CLEC4F: variants seen among roughly 807,000 people sequenced by gnomAD.
CLEC4F encodes C-type lectin domain family 4 member F.
A neutral mutation model predicts 53.4 loss-of-function variants in CLEC4F; 45 were observed. That is an observed-to-expected ratio of 0.84 (90% CI 0.66 to 1.08). CLEC4F has a LOEUF of 1.08. Among genes scored for constraint, CLEC4F ranks in the 50% least tolerant of loss-of-function variants. The probability of loss-of-function intolerance (pLI) is 0.00; values close to 1 mark genes in which losing one functional copy is unlikely to be tolerated. For synonymous variants in CLEC4F, 245 were observed against 257.5 expected (o/e 0.95, Z 0.46); for missense variants, 753 against 698.2 (o/e 1.08, Z -0.88).
At chr2:70,819,667 G>A in intron 2 of CLEC4F, 108 bp downstream of exon 2, 1 of 881,884 alleles carries the variant, frequency 1.1e-6, no homozygotes, top group Non-Finnish European at 1.8e-6. Context: ...GAGGTGGAAT[G>A]ATCTTTCTGG....
upstream of CLEC4F, among the ~76,000 whole-genome samples, chr2:70,823,806 A>T (rs143317220): frequency 8.9e-3 from 1,360 of 152,270 alleles, 8 homozygotes; most frequent in Middle Eastern, 0.041. Context: ...AGGCAGGTGG[A>T]TCACTTGAGG....
In CLEC4F at chr2:70,820,453, G is replaced by A; in HGVS notation, c.61+10C>T. ...TCACTGGGCAAGAGCTGGGGCCCCA[G>A]TTTTCTCACCTTGGGGGTGCAGGGA... On this transcript the variant is annotated intron_variant, in intron 1 of 6. Coordinates refer to ENST00000272367, the MANE Select transcript of CLEC4F (RefSeq NM_173535.3). The A allele has an allele frequency of 6.3e-7, 1 of 1,578,502 alleles. No homozygotes were observed. The highest frequency in any genetic ancestry group is 8.6e-7 in the Non-Finnish European group (1 of 1,160,018).
chr2:70,815,098 C>T (rs782109162), intron 4 of CLEC4F, among the ~76,000 whole-genome samples: 5 of 152,150 alleles, frequency 3.3e-5, no homozygotes, highest in Admixed American at 2.0e-4. Flanking sequence ...TTTGTTAGCC[C>T]CCATTTCTTC....
At chr2:70,810,737 T>C (rs1553394033) in intron 5 of CLEC4F, 4 of 434,402 alleles carry the variant, frequency 9.2e-6, no homozygotes, top group Admixed American at 3.0e-5. Flanking sequence ...TCTAAAATGA[T>C]ATATACAGTA....
chr2:70,813,536 TTTTTTTC>T (rs1553394866), intron 4 of CLEC4F, among the ~76,000 whole-genome samples: 27 of 146,948 alleles, frequency 1.8e-4, no homozygotes, highest in African/African-American at 5.1e-4. Flanking sequence ...TCTTTCTTTC[TTTTTTTC>T]TTTCTTTCTT....
In CLEC4F at chr2:70,817,011, A is replaced by G. The variant is rs377254965; in HGVS notation, c.370T>C (p.Leu124=). ...TTGACATTGTCCACTCTGCACTTCA[A>G]CATCTGGATTTCTACTACCCAGGCA... is the stretch of plus-strand genomic sequence containing the variant. ...SSAWVVEIQM[L]KCRVDNVNSQ... Residue 124 remains leucine, a synonymous_variant, in exon 4 of 7, where the codon TTG becomes CTG. Transcript: ENST00000272367. The G allele has an allele frequency of 6.2e-6, 10 of 1,614,076 alleles. No homozygotes were observed. In the East Asian group the frequency reaches 1.1e-4, roughly 18 times the overall value.
Position 70,812,545 on chromosome 2 carries a change from A to G in CLEC4F, c.1441T>C (p.Tyr481His), listed in dbSNP as rs1676625936. Residue 481 changes from tyrosine to histidine, a missense_variant, in exon 5 of 7, where the codon TAT (tyrosine) becomes CAT (histidine). Transcript: ENST00000272367. ...GACTTCTTGACACTAGAAAAATAAT[A>G]TAAGCTTCCACCATTGAACTTCCAG... ...QGWKFNGGSL[Y>H]YFSSVKKSWH... is the part of the protein sequence containing the mutation. 6.2e-7 allele frequency: 1 copy of G among 1,614,210 alleles called. No homozygotes were observed. The highest frequency in any genetic ancestry group is 8.5e-7 in the Non-Finnish European group (1 of 1,180,026).
chr2:70,819,816 G>A lies in CLEC4F; in HGVS notation c.137C>T (p.Ala46Val), dbSNP rs781912439. 6.8e-6 allele frequency: 11 copies of A among 1,608,290 alleles called. No individual in the cohort carries two copies. The Admixed American group carries it at 1.9e-4, about 27-fold the overall frequency. ...RLVQATPAFM[A>V]VTLVFSLVTL... is the part of the protein sequence containing the mutation. ...CACAAGAGAGAAGACCAAGGTCACA[G>A]CCATAAATGCCGGGGTAGCCTGAAC... is the stretch of plus-strand genomic sequence containing the variant. The change falls in exon 2 of 7, where the codon GCT becomes GTT. Residue 46 changes from alanine to valine, a missense_variant. Physicochemically the swap from Ala to Val is moderately conservative, Grantham distance 64 (BLOSUM62 0). Transcript: ENST00000272367.
rs782514953 is a variant in CLEC4F, at chr2:70,816,162, T to A, written c.1219A>T (p.Thr407Ser). The change falls in exon 4 of 7, where the codon ACC becomes TCC. Residue 407 changes from threonine to serine, a missense_variant. Coordinates refer to ENST00000272367, the MANE Select transcript of CLEC4F (RefSeq NM_173535.3). ...MKNASALTSQTQMLDSNLQKA... is the reference protein window; with the variant it reads ...MKNASALTSQSQMLDSNLQKA... ...TGCAGATTGCTGTCTAACATCTGGG[T>A]CTGGGAAGTTAAGGCTGAAGCATTC... The A allele has an allele frequency of 8.1e-6, 13 of 1,614,214 alleles. No individual in the cohort carries two copies. The highest frequency in any genetic ancestry group is 1.1e-5 in the Non-Finnish European group (13 of 1,180,040).
chr2:70,812,281 C>T (rs562134472), intron 5 of CLEC4F, among the ~76,000 whole-genome samples, 166 bp downstream of exon 5: 1 of 152,308 alleles, frequency 6.6e-6, no homozygotes, highest in Admixed American at 6.5e-5. Context: ...AGGGATTCTA[C>T]CTCCAGTGCA....
intron 1 of CLEC4F, 109 bp from the exon 2 acceptor site, chr2:70,820,000 T>C (rs1677149160): frequency 1.4e-6 from 1 of 701,706 alleles, no homozygotes. Flanking sequence ...GGTTGTCTAA[T>C]GGGGATGATA....
At chr2:70,822,465 G>T (rs1286446174), upstream of CLEC4F, among the ~76,000 whole-genome samples, 8 of 152,160 alleles carry the variant, frequency 5.3e-5, no homozygotes, top group African/African-American at 1.9e-4. Flanking sequence ...CTGCTGCTGG[G>T]TGGGCCTAGC....
At chr2:70,811,325 A>G (rs1553394177) in intron 5 of CLEC4F, 3 of 1,004,350 alleles carry the variant, frequency 3.0e-6, no homozygotes, top group Non-Finnish European at 4.6e-6. Flanking sequence ...TATTGGAGCA[A>G]TCTGCTCTTA....
intron 4 of CLEC4F, among the ~76,000 whole-genome samples, chr2:70,813,979 T>G (rs1676755922): frequency 6.6e-6 from 1 of 152,162 alleles, no homozygotes; most frequent in Non-Finnish European, 1.5e-5. Flanking sequence ...GTGCCCCGTC[T>G]GGAGCTGAGT....
chr2:70,811,439 C>T (rs1553394212), intron 5 of CLEC4F: 5 of 589,734 alleles, frequency 8.5e-6, no homozygotes, highest in Non-Finnish European at 1.3e-5. Context: ...CCTGCCTGTT[C>T]TGCCTCAGCA....
At chr2:70,824,561 A>C (rs1677300668), upstream of CLEC4F, among the ~76,000 whole-genome samples, 1 of 147,490 alleles carries the variant, frequency 6.8e-6, no homozygotes, top group Non-Finnish European at 1.5e-5. Flanking sequence ...TGGGGCAGGA[A>C]ATACTCAAGA....
At chr2:70,815,706 A>G (rs1260849288) in intron 4 of CLEC4F, among the ~76,000 whole-genome samples, 1 of 152,224 alleles carries the variant, frequency 6.6e-6, no homozygotes, top group Non-Finnish European at 1.5e-5. Context: ...GAAGTCAGAA[A>G]TAAGGCTGTG....
chr2:70,815,459 G>A (rs1676840930), intron 4 of CLEC4F, among the ~76,000 whole-genome samples: 1 of 152,132 alleles, frequency 6.6e-6, no homozygotes, highest in African/African-American at 2.4e-5. Context: ...TAGCCTGTAA[G>A]CTTCTCAAGG....
chr2:70,814,105 C>G (rs1676764509), intron 4 of CLEC4F, among the ~76,000 whole-genome samples: 1 of 152,224 alleles, frequency 6.6e-6, no homozygotes, highest in African/African-American at 2.4e-5. Flanking sequence ...ACAGCCTGAT[C>G]TATTCAAGCT....
Sources: gnomAD v4.1 joint callset for allele counts (sites outside exome capture counted in the v4.1 genomes callset) on GRCh38, gnomAD v4.1.1 for gene constraint, MANE v1.5 for transcripts, NCBI Gene and HGNC (gene_info 2026-07-23, HGNC 2026-07-21) for gene names.